Variants in ATR observed in about 807,000 individuals in gnomAD.
The protein encoded by ATR is serine/threonine-protein kinase ATR.
A neutral mutation model predicts 305.3 loss-of-function variants in ATR; 142 were observed. The observed-to-expected ratio is 0.47, with a 90% CI of 0.41 to 0.53. ATR has a LOEUF of 0.53. Ranked by LOEUF, ATR falls within the 20% of genes least tolerant of loss-of-function variation. ATR has a pLI of 0.00. For missense variants in ATR, 2,135 were observed against 3,133.1 expected, an observed-to-expected ratio of 0.68 and a Z score of 7.60; for synonymous variants, 1,050 against 1,068.1, an observed-to-expected ratio of 0.98 and a Z score of 0.33.
chr3:142,524,218 G>A lies in ATR; in HGVS notation c.3946-19C>T, dbSNP rs1354786509. 1.3e-5 allele frequency: 20 copies of A among 1,583,800 alleles called. No individual in the cohort carries two copies. The highest frequency in any genetic ancestry group is 1.7e-5 in the Non-Finnish European group (20 of 1,154,332). On this transcript the variant is annotated intron_variant, in intron 21 of 46. Transcript: ENST00000350721. ...GTTTTTCCTAAAATAAAAGTAGAAA[G>A]AAAATTTATACGTAATTTCTACAAA...
At chr3:142,528,869 ATATATATATATTTTTT>A (rs1445316813) in intron 21 of ATR, among the ~76,000 whole-genome samples, 5 of 58,540 alleles carry the variant, frequency 8.5e-5, no homozygotes, top group African/African-American at 6.3e-4. Flanking sequence ...ATATATATAT[ATATATATATATTTTTT>A]TTTTTTTTTT....
At chr3:142,550,386 T>G (rs755870110) in intron 13 of ATR, 84 bp from the exon 14 acceptor site, 24 of 1,365,994 alleles carry the variant, frequency 1.8e-5, no homozygotes, top group Non-Finnish European at 2.2e-5. Flanking sequence ...TAGAGGGCAG[T>G]ATCAAATAGT....
intron 46 of ATR, chr3:142,451,996 A>G (rs570259583): frequency 2.2e-5 from 23 of 1,047,348 alleles, no homozygotes; most frequent in Middle Eastern, 3.3e-4. Flanking sequence ...CTGCTCTTCA[A>G]CTGCTACAGA....
rs371866278 is a variant in ATR at position 142,572,013 on chromosome 3, G to A, written c.60-3859C>T. Among the ~76,000 whole-genome samples the A allele has an allele frequency of 1.3e-3, 193 of 151,856 alleles. 2 individuals carry two copies. In the South Asian group the frequency reaches 0.029, roughly 23 times the overall value. On this transcript the variant is annotated intron_variant, in intron 1 of 46. Transcript: ENST00000350721. The stretch of plus-strand genomic sequence containing the variant: ...ACTCCTGACCTCAGGTAATCCGCCC[G>A]CCTCAGCCTCCCAAAGTGCTGAGAT...
chr3:142,558,192 A>G (rs550901016), intron 8 of ATR, among the ~76,000 whole-genome samples: 3 of 152,172 alleles, frequency 2.0e-5, no homozygotes, highest in Admixed American at 1.3e-4. Flanking sequence ...AAAAATATAA[A>G]TAAGTCTTAG....
At chr3:142,467,893 T>C in intron 39 of ATR, 41 bp downstream of exon 39, 3 of 1,604,546 alleles carry the variant, frequency 1.9e-6, no homozygotes, top group Non-Finnish European at 2.6e-6. Flanking sequence ...TATACATAAT[T>C]ACCCAACATC....
rs1316891156 is a variant in ATR, at chr3:142,472,820, G to C, written c.6222-2637C>G. The stretch of plus-strand genomic sequence containing the variant: ...GCCCGAATAATTTTTGTATTTTTTT[G>C]TAGAGATGGGGGTTTCACCATGTTG... On this transcript the variant is annotated intron_variant, in intron 36 of 46. Transcript: ENST00000350721. Among the ~76,000 whole-genome samples the C allele has an allele frequency of 5.9e-5, 9 of 151,920 alleles. No individual in the cohort carries two copies. The South Asian group carries it at 1.7e-3, about 28-fold the overall frequency.
intron 36 of ATR, among the ~76,000 whole-genome samples, chr3:142,481,528 A>C (rs2108302897): frequency 6.6e-6 from 1 of 152,262 alleles, no homozygotes; most frequent in Non-Finnish European, 1.5e-5. Flanking sequence ...TGAAATCATA[A>C]AGCCAGTGGC....
At position 142,554,032 on chromosome 3, in the gene ATR, T is replaced by C. The variant is rs201048871; in HGVS notation, c.2342-17A>G. 27 of 1,565,490 alleles carry C rather than the reference T, an allele frequency of 1.7e-5. No homozygotes were observed. Among genetic ancestry groups the C allele is most frequent in the African/African-American group, 1.6e-4 (12 of 73,708 alleles). On this transcript the variant is annotated splice_polypyrimidine_tract_variant and intron_variant, in intron 10 of 46. Coordinates refer to ENST00000350721, the MANE Select transcript of ATR (RefSeq NM_001184.4). ...CTATGAAAGCTGAAGGACAAGAGTA[T>C]ACAATACCTAATTTAACATATTAAA...
chr3:142,470,068 T>A lies in ATR; in HGVS notation c.6319+18A>T, dbSNP rs1327177054. 7 of 1,571,620 alleles carry A rather than the reference T, an allele frequency of 4.5e-6. No individual in the cohort carries two copies. The highest frequency in any genetic ancestry group is 8.7e-7 in the Non-Finnish European group (1 of 1,143,920). The stretch of plus-strand genomic sequence containing the variant: ...TATAATTCCTAGTCCTTTAAAACTT[T>A]TACGTGAAGAGTTATACCTTTTTCC... On this transcript the variant is annotated intron_variant, in intron 37 of 46. Coordinates refer to ENST00000350721, the MANE Select transcript of ATR (RefSeq NM_001184.4).
Position 142,563,099 on chromosome 3 carries a change from A to G in ATR, c.303T>C (p.Asn101=), listed in dbSNP as rs1397771631. Reference sequence around the variant, plus strand: ...TCCGCAGAAGTCTCGTTATGATCCAATTACTGAATTCTTTGAAATAAACAA... The same window carrying G: ...TCCGCAGAAGTCTCGTTATGATCCAGTTACTGAATTCTTTGAAATAAACAA... The part of the protein sequence containing the change: ...EAKGSCIEFS[N]WIITRLLRIA... The change falls in exon 4 of 47, where the codon AAT becomes AAC. Residue 101 remains asparagine, a synonymous_variant. Coordinates refer to ENST00000350721, the MANE Select transcript of ATR (RefSeq NM_001184.4). 2.5e-6 allele frequency: 4 copies of G among 1,602,178 alleles called. No individual in the cohort carries two copies. In the African/African-American group the frequency reaches 5.4e-5, roughly 22 times the overall value.
At chr3:142,527,641 T>G (rs1013627666) in intron 21 of ATR, among the ~76,000 whole-genome samples, 4 of 152,198 alleles carry the variant, frequency 2.6e-5, no homozygotes, top group Admixed American at 6.5e-5. Flanking sequence ...GTTCTCTATA[T>G]TTCTGCTTTT....
intron 1 of ATR, among the ~76,000 whole-genome samples, chr3:142,571,286 T>C (rs2035249495): frequency 6.6e-6 from 1 of 151,886 alleles, no homozygotes; most frequent in African/African-American, 2.4e-5. Flanking sequence ...GCTAACATGG[T>C]GAAACCCCAT....
rs369086004 is a variant in ATR, at chr3:142,459,403, C to T, written c.7193-20G>A. Reference sequence around the variant, plus strand: ...ACACTCCTGCAAGGAAGAGTGATATCCATTAATCACATCAGCCAAATGAAA... The same window carrying T: ...ACACTCCTGCAAGGAAGAGTGATATTCATTAATCACATCAGCCAAATGAAA... On this transcript the variant is annotated intron_variant, in intron 42 of 46. Coordinates refer to ENST00000350721, the MANE Select transcript of ATR (RefSeq NM_001184.4). The T allele has an allele frequency of 3.7e-6, 6 of 1,613,280 alleles. No individual in the cohort carries two copies. In the African/African-American group the frequency reaches 8.0e-5, roughly 22 times the overall value.
At chr3:142,566,464 T>A (rs931807446) in intron 2 of ATR, among the ~76,000 whole-genome samples, 5 of 151,570 alleles carry the variant, frequency 3.3e-5, no homozygotes, top group Non-Finnish European at 7.4e-5. Flanking sequence ...ACAAAAAAAA[T>A]TTTTCTTAAA....
chr3:142,530,871 T>C (rs145722369), intron 21 of ATR, among the ~76,000 whole-genome samples: 108 of 152,326 alleles, frequency 7.1e-4, no homozygotes, highest in African/African-American at 2.4e-3. Flanking sequence ...ACATACCACA[T>C]CCTGGACTTA....
chr3:142,546,866 A>C (rs1379341844), intron 16 of ATR, among the ~76,000 whole-genome samples: 2 of 152,220 alleles, frequency 1.3e-5, no homozygotes, highest in Non-Finnish European at 2.9e-5. Context: ...TGGAATAGTG[A>C]GAAAAGAGCC....
At chr3:142,552,701 G>A (rs1331365185) in intron 13 of ATR, among the ~76,000 whole-genome samples, 3 of 147,694 alleles carry the variant, frequency 2.0e-5, no homozygotes, top group Non-Finnish European at 4.5e-5. Flanking sequence ...AAGTCATGGA[G>A]TTAACCTAAA....
chr3:142,453,437 A>G (rs1370212298), intron 45 of ATR, among the ~76,000 whole-genome samples: 2 of 152,120 alleles, frequency 1.3e-5, no homozygotes, highest in Non-Finnish European at 2.9e-5. Context: ...GGCAAGATAG[A>G]GGGGAGTCAG....
Sources: gnomAD v4.1 joint callset for allele counts (sites outside exome capture counted in the v4.1 genomes callset) on GRCh38, gnomAD v4.1.1 for gene constraint, MANE v1.5 for transcripts, NCBI Gene and HGNC (gene_info 2026-07-23, HGNC 2026-07-21) for gene names.